The following FYB2 variants were observed in gnomAD, a reference collection of about 807,000 sequenced individuals.
FYB2 encodes the protein FYN-binding protein 2.
Under a neutral mutation model 94.1 loss-of-function variants are expected in FYB2, and 103 were observed. The ratio of observed to expected loss-of-function variants is 1.09; its 90% confidence interval spans 0.93 to 1.29. FYB2 has a LOEUF of 1.29. FYB2 is among the 50% of genes most tolerant of loss of function. The probability of loss-of-function intolerance (pLI) is 0.00; values close to 1 mark genes in which losing one functional copy is unlikely to be tolerated. For synonymous variants in FYB2, 293 were observed against 287.9 expected (o/e 1.02, Z -0.18); for missense variants, 896 against 841.5 (o/e 1.06, Z -0.80).
At position 56,737,166 on chromosome 1, in the gene FYB2, C is replaced by G; in HGVS notation, c.1733-19G>C. 1 of 1,553,098 alleles carries G rather than the reference C, an allele frequency of 6.4e-7. No individual in the cohort carries two copies. The highest frequency in any genetic ancestry group is 8.8e-7 in the Non-Finnish European group (1 of 1,132,160). On this transcript the variant is annotated intron_variant, in intron 14 of 19. Transcript: ENST00000343433. ...TTAAGTTCTAGGGTCAAGACAGAAT[C>G]AAAATAGTCCATTATTAAGCATGGT...
Position 56,757,032 on chromosome 1 carries a change from T to C in FYB2, c.1099-1105A>G, listed in dbSNP as rs993485369. On this transcript the variant is annotated intron_variant, in intron 6 of 19. Coordinates refer to ENST00000343433, the MANE Select transcript of FYB2 (RefSeq NM_001004303.5). ...TATAGTCAAGAATATTCCAAGTCAT[T>C]AAGAAAGGAAGAGATCAGATTCCAC... Among the ~76,000 whole-genome samples, 14 of 152,064 alleles carry C rather than the reference T, an allele frequency of 9.2e-5. No homozygotes were observed. The East Asian group carries it at 2.5e-3, about 27-fold the overall frequency.
At chr1:56,740,936 T>C (rs1225340063) in intron 12 of FYB2, 141 bp from the exon 13 acceptor site, 1 of 497,648 alleles carries the variant, frequency 2.0e-6, no homozygotes, top group Admixed American at 4.0e-5. Context: ...GTCATAAAGA[T>C]GGAAATAACC....
At chr1:56,803,986 C>A (rs1445146840) in intron 1 of FYB2, among the ~76,000 whole-genome samples, 1 of 152,158 alleles carries the variant, frequency 6.6e-6, no homozygotes, top group Non-Finnish European at 1.5e-5. Context: ...CCTGGGGACT[C>A]CTGAGCCTGC....
At chr1:56,724,853 G>A (rs1406861130) in intron 16 of FYB2, among the ~76,000 whole-genome samples, 1 of 151,952 alleles carries the variant, frequency 6.6e-6, no homozygotes, top group Non-Finnish European at 1.5e-5. Context: ...TTGACATTTG[G>A]TCCCTAATGT....
upstream of FYB2, among the ~76,000 whole-genome samples, chr1:56,822,708 T>C (rs927958607): frequency 8.0e-5 from 12 of 150,720 alleles, no homozygotes; most frequent in African/African-American, 2.9e-4. Context: ...ACTTACACTT[T>C]GTATCATAAG....
chr1:56,723,535 G>C, intron 17 of FYB2, 53 bp downstream of exon 17: 1 of 1,057,054 alleles, frequency 9.5e-7, no homozygotes, highest in South Asian at 1.6e-5. Flanking sequence ...TTTTTTAAAT[G>C]AAAGCTCCTA....
At chr1:56,766,716 C>T (rs1206309598) in intron 5 of FYB2, among the ~76,000 whole-genome samples, 2 of 152,154 alleles carry the variant, frequency 1.3e-5, no homozygotes, top group African/African-American at 4.8e-5. Flanking sequence ...GGATTACAGG[C>T]GTGAGCCACT....
At chr1:56,786,708 T>C (rs763022228) in intron 4 of FYB2, among the ~76,000 whole-genome samples, 5 of 152,192 alleles carry the variant, frequency 3.3e-5, no homozygotes, top group Non-Finnish European at 7.3e-5. Context: ...AGTAGCCAGT[T>C]GAGTGCCTGA....
At chr1:56,821,248 G>T (rs1646987982), upstream of FYB2, among the ~76,000 whole-genome samples, 1 of 152,204 alleles carries the variant, frequency 6.6e-6, no homozygotes, top group African/African-American at 2.4e-5. Flanking sequence ...GCCTACACTG[G>T]CAGAGTGGGT....
At chr1:56,796,558 C>A (rs1315694152) in intron 1 of FYB2, among the ~76,000 whole-genome samples, 1 of 152,034 alleles carries the variant, frequency 6.6e-6, no homozygotes, top group Admixed American at 6.5e-5. Flanking sequence ...TCTTTAAAAA[C>A]AAATCTGATC....
In FYB2 at chr1:56,755,899, G is replaced by C. The variant is rs1205259833; in HGVS notation, c.1127C>G (p.Pro376Arg). ...TCTTTTGAAAGATAAAACTCACCTAGGTTCTGGATAGGGAAAATTCTTCCC... is the reference window on the plus strand; with the variant it reads ...TCTTTTGAAAGATAAAACTCACCTACGTTCTGGATAGGGAAAATTCTTCCC... ...KPGKNFPYPE[P>R]SAKHEDKKMK... The change falls in exon 7 of 20, where the codon CCT (proline) becomes CGT (arginine). Residue 376 changes from proline (P) to arginine (R), a missense_variant. By Grantham distance (103) the Pro-to-Arg change is moderately radical (BLOSUM62 -2). Coordinates refer to ENST00000343433, the MANE Select transcript of FYB2 (RefSeq NM_001004303.5). The C allele has an allele frequency of 1.2e-6, 2 of 1,608,082 alleles. No individual in the cohort carries two copies. The highest frequency in any genetic ancestry group is 1.1e-5 in the South Asian group (1 of 90,720).
chr1:56,754,860 C>A (rs2100716118), intron 7 of FYB2, among the ~76,000 whole-genome samples: 1 of 152,130 alleles, frequency 6.6e-6, no homozygotes, highest in Middle Eastern at 3.4e-3. Context: ...AATAATGAAT[C>A]ATTTGACCTG....
intron 1 of FYB2, among the ~76,000 whole-genome samples, chr1:56,805,474 A>G (rs1334673324): frequency 2.0e-5 from 3 of 152,212 alleles, no homozygotes; most frequent in Admixed American, 6.5e-5. Context: ...CTCAATTACC[A>G]TAATCCTTAC....
chr1:56,783,972 T>C (rs1269059012), intron 4 of FYB2, among the ~76,000 whole-genome samples: 1 of 152,184 alleles, frequency 6.6e-6, no homozygotes, highest in Admixed American at 6.6e-5. Context: ...TGCTAGGCCC[T>C]GCCCTAAACA....
chr1:56,757,660 T>TC (rs1645367840), intron 6 of FYB2, among the ~76,000 whole-genome samples: 5 of 151,202 alleles, frequency 3.3e-5, no homozygotes, highest in Admixed American at 1.3e-4. Flanking sequence ...TTTCTTTCTT[T>TC]TTCTTTCTTT....
At chr1:56,766,659 G>A (rs1391282532) in intron 5 of FYB2, among the ~76,000 whole-genome samples, 4 of 151,968 alleles carry the variant, frequency 2.6e-5, no homozygotes, top group African/African-American at 9.7e-5. Context: ...GGATGGTCTC[G>A]ATCTCCTGAT....
intron 4 of FYB2, among the ~76,000 whole-genome samples, chr1:56,773,259 C>T (rs1255067256): frequency 6.6e-6 from 1 of 152,138 alleles, no homozygotes; most frequent in Non-Finnish European, 1.5e-5. Flanking sequence ...CCTGAAAGGT[C>T]CCCGCAGAAT....
At chr1:56,723,542 C>T (rs1644527554) in intron 17 of FYB2, 46 bp downstream of exon 17, 1 of 1,146,274 alleles carries the variant, frequency 8.7e-7, no homozygotes, top group South Asian at 1.5e-5. Flanking sequence ...AATGAAAGCT[C>T]CTAGCTGTTA....
chr1:56,826,812 AG>A, the FYB2 span: 3 of 152,184 alleles, frequency 2.0e-5, no homozygotes, highest in Admixed American at 6.5e-5. Context: ...CAGTTTCCCA[AG>A]GGCCCCCAAG....
Sources: allele counts gnomAD v4.1 joint callset (sites outside exome capture counted in the v4.1 genomes callset), GRCh38; gene constraint gnomAD v4.1.1; transcripts MANE v1.5; gene names NCBI Gene and HGNC (gene_info 2026-07-23, HGNC 2026-07-21).